Variants in GPR176 observed in about 807,000 individuals in gnomAD.
GPR176 encodes G protein-coupled receptor 176.
GPR176 carries 26 observed loss-of-function variants against 35.4 expected under a neutral mutation model. That is an observed-to-expected ratio of 0.74 (90% confidence interval 0.54 to 1.02). GPR176 has a LOEUF of 1.02. Among genes scored for constraint, GPR176 ranks in the 50% least tolerant of loss-of-function variants. GPR176 has a pLI of 0.00. For synonymous variants in GPR176, 278 were observed against 271.3 expected, an observed-to-expected ratio of 1.02 and a Z score of -0.24; for missense variants, 597 against 665.3, an observed-to-expected ratio of 0.90 and a Z score of 1.13.
intron 1 of GPR176, among the ~76,000 whole-genome samples, chr15:39,872,025 T>C (rs1182616700): frequency 1.3e-5 from 2 of 152,238 alleles, no homozygotes; most frequent in Non-Finnish European, 2.9e-5. Flanking sequence ...ATTTATTTTC[T>C]GAGCACTTAC....
At chr15:39,873,456 G>A (rs549608108) in intron 1 of GPR176, among the ~76,000 whole-genome samples, 15 of 152,126 alleles carry the variant, frequency 9.9e-5, no homozygotes, top group African/African-American at 2.2e-4. Context: ...CCAGCTGTGC[G>A]CAGGTAGGGA....
intron 1 of GPR176, among the ~76,000 whole-genome samples, chr15:39,857,645 G>C (rs1248135988): frequency 6.6e-6 from 1 of 151,918 alleles, no homozygotes; most frequent in Non-Finnish European, 1.5e-5. Context: ...ACACAAGCCT[G>C]GGTGACAAGG....
At chr15:39,825,537 G>C (rs1371192881) in intron 1 of GPR176, among the ~76,000 whole-genome samples, 1 of 151,706 alleles carries the variant, frequency 6.6e-6, no homozygotes, top group Non-Finnish European at 1.5e-5. Flanking sequence ...ATTACATAAT[G>C]GGAAAAATCT....
At chr15:39,914,539 A>T (rs75709151) in intron 1 of GPR176, among the ~76,000 whole-genome samples, 3,722 of 151,814 alleles carry the variant, frequency 0.025, 122 homozygotes, top group East Asian at 0.17. Context: ...GGTCTCGAAC[A>T]CCTCAAGTGA....
At chr15:39,839,976 G>A (rs1439379739) in intron 1 of GPR176, among the ~76,000 whole-genome samples, 1 of 152,182 alleles carries the variant, frequency 6.6e-6, no homozygotes, top group East Asian at 1.9e-4. Flanking sequence ...AAAAAGTCAG[G>A]AAACAACAGA....
rs755043069 is a variant in GPR176, at chr15:39,807,031, T to C, written c.400A>G (p.Ser134Gly). The C allele has an allele frequency of 1.9e-6, 3 of 1,613,422 alleles. No individual in the cohort carries two copies. The highest frequency in any genetic ancestry group is 1.3e-5 in the African/African-American group (1 of 74,894). The change falls in exon 2 of 3, where the codon AGC becomes GGC. Residue 134 changes from serine (S) to glycine (G), a missense_variant. Physicochemically the swap from Ser to Gly is moderately conservative, Grantham distance 56. Coordinates refer to ENST00000561100, the MANE Select transcript of GPR176 (RefSeq NM_007223.3). ...CTGTCCAAAGCAATAGCAGGGAAGC[T>C]GAGGATGGTCACAGAGCAGAATACT... ...HKVFCSVTILSFPAIALDRYY... is the reference protein window; with the variant it reads ...HKVFCSVTILGFPAIALDRYY...
At chr15:39,804,880 A>C (rs1448175433) in intron 2 of GPR176, among the ~76,000 whole-genome samples, 1 of 152,248 alleles carries the variant, frequency 6.6e-6, no homozygotes, top group Non-Finnish European at 1.5e-5. Flanking sequence ...GTAATGTCCA[A>C]TAAAGCAAAC....
chr15:39,892,821 C>G (rs1352085481), intron 1 of GPR176, among the ~76,000 whole-genome samples: 2 of 152,230 alleles, frequency 1.3e-5, no homozygotes, highest in African/African-American at 2.4e-5. Flanking sequence ...GACTTCTGGT[C>G]TCTGGAACTG....
chr15:39,803,764 C>T (rs1021828604), intron 2 of GPR176, among the ~76,000 whole-genome samples: 6 of 152,114 alleles, frequency 3.9e-5, no homozygotes, highest in Admixed American at 3.9e-4. Flanking sequence ...GTACAGGTAG[C>T]GCCTAAAGCC....
At chr15:39,879,809 C>A (rs1395721943) in intron 1 of GPR176, among the ~76,000 whole-genome samples, 4 of 152,184 alleles carry the variant, frequency 2.6e-5, no homozygotes, top group Non-Finnish European at 5.9e-5. Flanking sequence ...TATATAAAAT[C>A]CAGACTCCTT....
intron 2 of GPR176, among the ~76,000 whole-genome samples, chr15:39,802,786 T>C (rs1898967265): frequency 6.6e-6 from 1 of 152,206 alleles, no homozygotes; most frequent in African/African-American, 2.4e-5. Context: ...ATTAAAGTTG[T>C]TCAGGGCAGA....
chr15:39,864,946 A>C (rs1287793596), intron 1 of GPR176, among the ~76,000 whole-genome samples: 3 of 151,778 alleles, frequency 2.0e-5, no homozygotes, highest in Admixed American at 1.3e-4. Context: ...AAAAAAAAAA[A>C]CGCTCAACAT....
At chr15:39,843,785 C>T (rs908236240) in intron 1 of GPR176, among the ~76,000 whole-genome samples, 1 of 152,104 alleles carries the variant, frequency 6.6e-6, no homozygotes, top group Non-Finnish European at 1.5e-5. Flanking sequence ...TTAAAGATCT[C>T]GTGGGAATTT....
At chr15:39,821,838 T>C (rs1241635893) in intron 1 of GPR176, among the ~76,000 whole-genome samples, 2 of 152,226 alleles carry the variant, frequency 1.3e-5, no homozygotes, top group African/African-American at 4.8e-5. Flanking sequence ...AAGCCCCTCT[T>C]CATCAGCCTC....
At chr15:39,814,774 T>C (rs1233520085) in intron 1 of GPR176, 1 of 152,198 alleles carries the variant, frequency 6.6e-6, no homozygotes, top group African/African-American at 2.4e-5. Flanking sequence ...TGACAGATCA[T>C]TCTGAGAAAG....
chr15:39,801,035 G>C lies in GPR176; in HGVS notation c.*97C>G. On this transcript the variant is annotated 3_prime_UTR_variant, in exon 3 of 3. Transcript: ENST00000561100. ...TATTGGAGGAATCAACTCACACTGA[G>C]TTGCAAGGAGATCATACAATCACAT... is the stretch of plus-strand genomic sequence containing the variant. 2 of 1,028,632 alleles carry C rather than the reference G, an allele frequency of 1.9e-6. No homozygotes were observed. Among genetic ancestry groups the C allele is most frequent in the Non-Finnish European group, 2.9e-6 (2 of 691,646 alleles). 63.7% of individuals were successfully genotyped at this position (1,028,632 alleles called of 1,614,324 possible).
In GPR176 at chr15:39,801,803, T is replaced by G. The variant is rs778582233; in HGVS notation, c.877A>C (p.Asn293His). ...ATLVVYQTVL[N>H]VPDTSVFLLL... is the part of the protein sequence containing the mutation. ...AAGAAGACGGAAGTGTCAGGGACAT[T>G]GAGCACAGTCTGGTAGACGACCAGG... The change falls in exon 3 of 3, where the codon AAT (asparagine) becomes CAT (histidine). Residue 293 changes from asparagine to histidine, a missense_variant. By Grantham distance (68) the Asn-to-His change is moderately conservative (BLOSUM62 1). Transcript: ENST00000561100. The G allele has an allele frequency of 6.2e-7, 1 of 1,613,766 alleles. No individual in the cohort carries two copies. Among genetic ancestry groups the G allele is most frequent in the South Asian group, 1.1e-5 (1 of 91,074 alleles).
chr15:39,801,590 G>A lies in GPR176; in HGVS notation c.1090C>T (p.Arg364Cys), dbSNP rs777356131. ...ATCTCCAGGAGCTGGCTACCCGAGC[G>A]TATGCTGGGTTCCAGGCTGGCCTCA... The part of the protein sequence containing the change: ...MAEASLEPSI[R>C]SGSQLLEMFH... Residue 364 changes from arginine to cysteine, a missense_variant, in exon 3 of 3, where the codon CGC (arginine) becomes TGC (cysteine). Around this residue, in one of 3 missense-constraint regions of GPR176, gnomAD observed 251 missense variants for 255.4 expected, o/e 0.98. Transcript: ENST00000561100. 29 of 1,613,462 alleles carry A rather than the reference G, an allele frequency of 1.8e-5. No individual in the cohort carries two copies. The highest frequency in any genetic ancestry group is 1.2e-4 in the Admixed American group (7 of 60,010).
chr15:39,907,282 C>T (rs1398369200), intron 1 of GPR176, among the ~76,000 whole-genome samples: 1 of 152,210 alleles, frequency 6.6e-6, no homozygotes, highest in East Asian at 1.9e-4. Context: ...GTGCCTTCTG[C>T]CTTTGCATTG....
Sources: gnomAD v4.1 joint callset for allele counts (sites outside exome capture counted in the v4.1 genomes callset) on GRCh38, gnomAD v4.1.1 for gene constraint, gnomAD v4.1.1 regional missense constraint, MANE v1.5 for transcripts, NCBI Gene and HGNC (gene_info 2026-07-23, HGNC 2026-07-21) for gene names.